The following ACAP2 variants were observed in gnomAD, a reference collection of about 807,000 sequenced individuals.
ACAP2 encodes arf-GAP with coiled-coil, ANK repeat and PH domain-containing protein 2.
Under a neutral mutation model 115.8 loss-of-function variants are expected in ACAP2, and 39 were observed. The ratio of observed to expected loss-of-function variants is 0.34; its 90% CI spans 0.26 to 0.44. The LOEUF (loss-of-function observed/expected upper bound fraction) is 0.44, where lower values mean the gene tolerates loss of function less well. Among genes scored for constraint, ACAP2 ranks in the 20% least tolerant of loss-of-function variants. ACAP2 has a pLI of 1.00. For synonymous variants in ACAP2, 289 were observed against 315.8 expected (o/e 0.92, Z 0.90); for missense variants, 662 against 927.6 (o/e 0.71, Z 3.72).
chr3:195,442,817 G>C lies in ACAP2; in HGVS notation c.31C>G (p.Leu11Val). Residue 11 changes from leucine (L) to valine (V), a missense_variant, in exon 1 of 23, where the codon CTG becomes GTG. Transcript: ENST00000326793. ...TACCTGAAGCGGGGCGAGTCCTTCA[G>C]ACACTCCTCGAAATCCACAGTCATC... is the stretch of plus-strand genomic sequence containing the variant. MKMTVDFEECLKDSPRFRAAL... is the reference protein window; with the variant it reads MKMTVDFEECVKDSPRFRAAL... The C allele has an allele frequency of 6.5e-7, 1 of 1,531,006 alleles. No individual in the cohort carries two copies. Among genetic ancestry groups the C allele is most frequent in the African/African-American group, 1.4e-5 (1 of 69,670 alleles). The allele number at this position is 1,531,006 out of a possible 1,614,324, so 94.8% of individuals were successfully genotyped here.
intron 4 of ACAP2, among the ~76,000 whole-genome samples, chr3:195,367,971 G>C (rs1026286611): frequency 1.3e-5 from 2 of 152,216 alleles, no homozygotes; most frequent in Non-Finnish European, 2.9e-5. Flanking sequence ...TTTTGGGGCA[G>C]TTGTTAAACA....
At chr3:195,384,885 A>G (rs1734190593) in intron 2 of ACAP2, among the ~76,000 whole-genome samples, 1 of 152,304 alleles carries the variant, frequency 6.6e-6, no homozygotes, top group South Asian at 2.1e-4. Context: ...AAATTCAAAA[A>G]TAATTAAAAG....
At chr3:195,340,294 G>C (rs1221943191) in intron 6 of ACAP2, among the ~76,000 whole-genome samples, 2 of 151,304 alleles carry the variant, frequency 1.3e-5, no homozygotes, top group African/African-American at 4.9e-5. Context: ...GAACTTCTAT[G>C]AGAGTAAAAA....
chr3:195,335,322 C>T, intron 7 of ACAP2, among the ~76,000 whole-genome samples: 1 of 152,060 alleles, frequency 6.6e-6, no homozygotes. Flanking sequence ...AGAATTCTAC[C>T]TGGCCACAAA....
At chr3:195,310,732 T>C (rs1728709902) in intron 10 of ACAP2, among the ~76,000 whole-genome samples, 1 of 152,200 alleles carries the variant, frequency 6.6e-6, no homozygotes. Context: ...GAGCTAACCC[T>C]CTGATTATTA....
chr3:195,360,111 C>T (rs1732252176), intron 4 of ACAP2, among the ~76,000 whole-genome samples: 1 of 151,958 alleles, frequency 6.6e-6, no homozygotes, highest in Admixed American at 6.6e-5. Context: ...AAACAAGACG[C>T]AATAATCTGT....
chr3:195,434,399 A>AT (rs901199718), intron 1 of ACAP2, among the ~76,000 whole-genome samples: 18 of 151,412 alleles, frequency 1.2e-4, no homozygotes, highest in South Asian at 4.2e-4. Context: ...CACTTAGCTA[A>AT]TTTTTTTTGT....
intron 1 of ACAP2, among the ~76,000 whole-genome samples, chr3:195,425,275 G>C (rs534463885): frequency 9.2e-5 from 14 of 152,140 alleles, no homozygotes; most frequent in African/African-American, 3.4e-4. Flanking sequence ...GACTGACTTA[G>C]TTACTACATT....
chr3:195,409,432 A>G (rs1367038275), intron 1 of ACAP2, among the ~76,000 whole-genome samples: 1 of 151,100 alleles, frequency 6.6e-6, no homozygotes, highest in African/African-American at 2.4e-5. Context: ...TCCTGGGGGA[A>G]AAAAAAAAGT....
At chr3:195,304,163 CAAAAAAAAAAAAAAAAA>C (rs56055597) in intron 13 of ACAP2, among the ~76,000 whole-genome samples, 18 of 63,276 alleles carry the variant, frequency 2.8e-4, no homozygotes, top group African/African-American at 3.6e-4. Flanking sequence ...GACTCCATCT[CAAAAAAAAAAAAAAAAA>C]AAAAAAAAAA....
At chr3:195,362,730 A>G (rs576818727) in intron 4 of ACAP2, among the ~76,000 whole-genome samples, 3 of 152,364 alleles carry the variant, frequency 2.0e-5, no homozygotes, top group African/African-American at 7.2e-5. Flanking sequence ...GATGACTTCA[A>G]TTGATGCTGA....
intron 15 of ACAP2, among the ~76,000 whole-genome samples, chr3:195,300,027 CTTTTTTCTTTTTTTTTCTTT>C (rs1412728555): frequency 8.2e-6 from 1 of 121,446 alleles, no homozygotes. Context: ...TTCCGTCTTT[CTTTTTTCTTTTTTTTTCTTT>C]TTTTTTTTTT....
intron 4 of ACAP2, among the ~76,000 whole-genome samples, chr3:195,380,185 T>G (rs1045691811): frequency 3.9e-5 from 6 of 152,112 alleles, no homozygotes; most frequent in African/African-American, 1.2e-4. Flanking sequence ...CAGATACTTG[T>G]ACATGTCAAT....
At chr3:195,373,321 T>C (rs953761151) in intron 4 of ACAP2, among the ~76,000 whole-genome samples, 1 of 152,150 alleles carries the variant, frequency 6.6e-6, no homozygotes, top group African/African-American at 2.4e-5. Context: ...TGCATGTAGA[T>C]ATGATACATA....
At position 195,308,448 on chromosome 3, in the gene ACAP2, G is replaced by A. The variant is rs113466428; in HGVS notation, c.909+338C>T. On this transcript the variant is annotated intron_variant, in intron 11 of 22. Transcript: ENST00000326793. ...AGTTACCCTGATTTGATCATCACACGTTGTATACAAGTATCAAAATAGCAC... is the reference window on the plus strand; with the variant it reads ...AGTTACCCTGATTTGATCATCACACATTGTATACAAGTATCAAAATAGCAC... 5.3e-4 allele frequency among the ~76,000 whole-genome samples: 80 copies of A among 152,254 alleles called. No individual in the cohort carries two copies. The Middle Eastern group carries it at 0.017, about 32-fold the overall frequency.
intron 9 of ACAP2, 104 bp downstream of exon 9, chr3:195,326,781 G>T: frequency 1.0e-6 from 1 of 970,022 alleles, no homozygotes; most frequent in Non-Finnish European, 1.6e-6. Context: ...ACAATTATTA[G>T]AACAACTCAA....
intron 1 of ACAP2, among the ~76,000 whole-genome samples, chr3:195,416,515 T>C (rs991397342): frequency 1.3e-5 from 2 of 152,114 alleles, no homozygotes; most frequent in East Asian, 1.9e-4. Flanking sequence ...TAGGAGTGTA[T>C]ACTGATATAA....
In ACAP2 at chr3:195,369,324, C is replaced by T. The variant is rs147904730; in HGVS notation, c.285+11685G>A. Among the ~76,000 whole-genome samples the T allele has an allele frequency of 2.2e-4, 33 of 152,264 alleles. No individual in the cohort carries two copies. In the East Asian group the frequency reaches 6.2e-3, roughly 29 times the overall value. ...TACATGTGCAGGTTATATAGGTAAA[C>T]TCTTATCATGGGGGTTTGATGTACA... On this transcript the variant is annotated intron_variant, in intron 4 of 22. Coordinates refer to ENST00000326793, the MANE Select transcript of ACAP2 (RefSeq NM_012287.6).
intron 10 of ACAP2, among the ~76,000 whole-genome samples, chr3:195,313,554 C>T (rs1728895973): frequency 1.3e-5 from 2 of 152,218 alleles, no homozygotes; most frequent in Non-Finnish European, 2.9e-5. Context: ...GAAAGCCACA[C>T]ATACGTAGTA....
Sources: allele counts gnomAD v4.1 joint callset (sites outside exome capture counted in the v4.1 genomes callset), GRCh38; gene constraint gnomAD v4.1.1; transcripts MANE v1.5; gene names NCBI Gene and HGNC (gene_info 2026-07-23, HGNC 2026-07-21).